Variants in SIRPG observed in about 807,000 individuals in gnomAD.
SIRPG encodes signal regulatory protein gamma, also known as signal-regulatory protein gamma.
In SIRPG, 38 loss-of-function variants were observed where a neutral mutation model predicts 35.7. The observed-to-expected ratio is 1.06, with a 90% CI of 0.82 to 1.40. SIRPG has a LOEUF of 1.40. Among genes scored for constraint, SIRPG ranks in the 40% most tolerant of loss-of-function variants. SIRPG has a pLI of 0.00. For missense variants in SIRPG, 519 were observed against 483.0 expected, an observed-to-expected ratio of 1.07 and a Z score of -0.70; for synonymous variants, 215 against 190.4, an observed-to-expected ratio of 1.13 and a Z score of -1.06.
chr20:1,662,698 T>C (rs1164213706), upstream of SIRPG, among the ~76,000 whole-genome samples: 5 of 152,200 alleles, frequency 3.3e-5, no homozygotes, highest in Admixed American at 6.5e-5. Flanking sequence ...ATTTTTCCCA[T>C]TGAATGTAGA....
chr20:1,653,416 T>C (rs2091954683), intron 1 of SIRPG, among the ~76,000 whole-genome samples: 2 of 152,356 alleles, frequency 1.3e-5, no homozygotes, highest in African/African-American at 4.8e-5. Context: ...AATTGTAAAG[T>C]TATTGCTCAG....
At chr20:1,679,099 G>T in the SIRPG span, among the ~76,000 whole-genome samples, 1 of 152,168 alleles carries the variant, frequency 6.6e-6, no homozygotes, top group Non-Finnish European at 1.5e-5. Context: ...CTGATCTGTA[G>T]AAGGGGTGGC....
chr20:1,658,884 C>T (rs1408045335), upstream of SIRPG, among the ~76,000 whole-genome samples: 1 of 152,268 alleles, frequency 6.6e-6, no homozygotes, highest in African/African-American at 2.4e-5. Flanking sequence ...TCGCTGCCAC[C>T]CTGAAATCAG....
At chr20:1,651,512 C>T (rs985401187) in intron 1 of SIRPG, 2 of 152,204 alleles carry the variant, frequency 1.3e-5, no homozygotes, top group Admixed American at 6.6e-5. Flanking sequence ...GTGGCATGCC[C>T]TACCCAGCTA....
At chr20:1,681,237 A>G in the SIRPG span, among the ~76,000 whole-genome samples, 16 of 152,202 alleles carry the variant, frequency 1.1e-4, no homozygotes, top group Non-Finnish European at 1.9e-4. Context: ...ACACCCCTGC[A>G]CACACTCATA....
At chr20:1,669,097 G>A in the SIRPG span, among the ~76,000 whole-genome samples, 10 of 152,152 alleles carry the variant, frequency 6.6e-5, no homozygotes, top group African/African-American at 2.4e-4. Flanking sequence ...GGGGAATATC[G>A]GCCAACTTCA....
the SIRPG span, among the ~76,000 whole-genome samples, chr20:1,685,780 A>G: frequency 2.0e-5 from 3 of 152,170 alleles, no homozygotes; most frequent in East Asian, 5.8e-4. Context: ...CAGTGGCTGA[A>G]CATCCCCGGG....
At chr20:1,672,959 T>G in the SIRPG span, among the ~76,000 whole-genome samples, 1 of 152,320 alleles carries the variant, frequency 6.6e-6, no homozygotes, top group East Asian at 1.9e-4. Flanking sequence ...CAGGCACTCA[T>G]CCTGCGTCCT....
At chr20:1,645,476 C>T (rs1175948163) in intron 2 of SIRPG, among the ~76,000 whole-genome samples, 2 of 152,178 alleles carry the variant, frequency 1.3e-5, no homozygotes, top group African/African-American at 4.8e-5. Context: ...CGAGACTCCA[C>T]CCCAAACCCT....
the SIRPG span, among the ~76,000 whole-genome samples, chr20:1,667,837 G>A: frequency 2.0e-5 from 3 of 152,178 alleles, no homozygotes; most frequent in African/African-American, 4.8e-5. Context: ...AAGTCAAAAT[G>A]CACAGAGGGG....
intron 2 of SIRPG, among the ~76,000 whole-genome samples, chr20:1,639,029 ATT>A (rs2091828555): frequency 6.6e-6 from 1 of 152,062 alleles, no homozygotes; most frequent in African/African-American, 2.4e-5. Flanking sequence ...ACTGATGGGC[ATT>A]TGGGTTGGTT....
intron 2 of SIRPG, among the ~76,000 whole-genome samples, chr20:1,644,671 C>T (rs1267930706): frequency 1.3e-5 from 2 of 152,158 alleles, no homozygotes; most frequent in African/African-American, 4.8e-5. Flanking sequence ...TGATTGAGAC[C>T]CTAGGCCCCA....
At chr20:1,630,413 C>A (rs963619848) in intron 4 of SIRPG, 107 bp from the exon 5 acceptor site, 43 of 785,062 alleles carry the variant, frequency 5.5e-5, no homozygotes, top group Non-Finnish European at 8.4e-5. Flanking sequence ...CTATGCCCCA[C>A]CTTTGAACCT....
At chr20:1,660,513 G>C (rs961092460), upstream of SIRPG, among the ~76,000 whole-genome samples, 2 of 152,204 alleles carry the variant, frequency 1.3e-5, no homozygotes, top group African/African-American at 4.8e-5. Context: ...AAAATGCATA[G>C]TATAGTGTCA....
chr20:1,659,666 C>A (rs1022917141), upstream of SIRPG, among the ~76,000 whole-genome samples: 1 of 152,212 alleles, frequency 6.6e-6, no homozygotes, highest in Admixed American at 6.5e-5. Flanking sequence ...TGAATTTGCT[C>A]AAGATCACCC....
intron 1 of SIRPG, among the ~76,000 whole-genome samples, chr20:1,656,316 C>T (rs1337779875): frequency 1.3e-5 from 2 of 152,198 alleles, no homozygotes; most frequent in African/African-American, 4.8e-5. Context: ...CTCTGCCTCA[C>T]TCCCCATTTG....
chr20:1,669,109 A>T, the SIRPG span, among the ~76,000 whole-genome samples: 1 of 152,188 alleles, frequency 6.6e-6, no homozygotes, highest in South Asian at 2.1e-4. Context: ...CCAACTTCAG[A>T]TCCTTGGGAC....
the SIRPG span, among the ~76,000 whole-genome samples, chr20:1,682,946 C>T: frequency 6.6e-6 from 1 of 152,150 alleles, no homozygotes; most frequent in East Asian, 1.9e-4. Flanking sequence ...AAACAATCAA[C>T]AGAGTGAAGA....
rs373506620 is a variant in SIRPG at position 1,649,025 on chromosome 20, G to A, written c.430+27C>T. The A allele has an allele frequency of 5.7e-6, 9 of 1,565,988 alleles. No individual in the cohort carries two copies. The African/African-American group carries it at 1.1e-4, about 19-fold the overall frequency. ...ATTGAGTTATTGTCACACATCAGGG[G>A]ATGAGGGAGGTCCATGTTGTACTCA... On this transcript the variant is annotated intron_variant, in intron 2 of 5. Transcript: ENST00000303415.
Sources: gnomAD v4.1 joint callset for allele counts (sites outside exome capture counted in the v4.1 genomes callset) on GRCh38, gnomAD v4.1.1 for gene constraint, MANE v1.5 for transcripts, NCBI Gene and HGNC (gene_info 2026-07-23, HGNC 2026-07-21) for gene names.